The following RYR3 variants were observed in gnomAD, a reference collection of about 807,000 sequenced individuals.
The protein encoded by RYR3 is brain ryanodine receptor-calcium release channel.
A neutral mutation model predicts 584.3 loss-of-function variants in RYR3; 207 were observed. The ratio of observed to expected loss-of-function variants is 0.35; its 90% CI spans 0.32 to 0.40. The LOEUF (loss-of-function observed/expected upper bound fraction) is 0.40. Among genes scored for constraint, RYR3 ranks in the 10% least tolerant of loss-of-function variants. The pLI is 1.00. For missense variants in RYR3, 5,616 were observed against 6,089.2 expected, an observed-to-expected ratio of 0.92 and a Z score of 2.59; for synonymous variants, 2,416 against 2,248.5, an observed-to-expected ratio of 1.07 and a Z score of -2.11.
rs977122492 is a variant in RYR3 at position 33,484,732 on chromosome 15, G to T, written c.171+11194G>T. Among the ~76,000 whole-genome samples the T allele has an allele frequency of 2.6e-5, 4 of 152,136 alleles. No individual in the cohort carries two copies. The East Asian group carries it at 7.7e-4, about 29-fold the overall frequency. On this transcript the variant is annotated intron_variant, in intron 2 of 103. Transcript: ENST00000634891. ...CTGTAACTGGCTGACATATCATTGA[G>T]TGAAATAGGGCATATATTGGAGGAG...
intron 38 of RYR3, among the ~76,000 whole-genome samples, chr15:33,674,265 A>G (rs1287301018): frequency 1.3e-5 from 2 of 152,228 alleles, no homozygotes; most frequent in African/African-American, 4.8e-5. Flanking sequence ...GAGATAACTT[A>G]GTAGTAAGTA....
In RYR3 at chr15:33,644,278, G is replaced by A. The variant is rs371359568; in HGVS notation, c.3557-33G>A. 540 of 1,566,342 alleles carry A rather than the reference G, an allele frequency of 3.4e-4. 4 individuals carry two copies. Among genetic ancestry groups the A allele is most frequent in the South Asian group, 1.3e-3 (109 of 86,222 alleles). On this transcript the variant is annotated intron_variant, in intron 27 of 103. Coordinates refer to ENST00000634891, the MANE Select transcript of RYR3 (RefSeq NM_001036.6). ...CGGAGTTTCCTGGGATGGTGCCTTC[G>A]GGCTAAAGCAGGTCTCTCTAACTCT...
intron 1 of RYR3, among the ~76,000 whole-genome samples, chr15:33,437,379 T>C (rs571314801): frequency 6.6e-6 from 1 of 152,342 alleles, no homozygotes; most frequent in South Asian, 2.1e-4. Flanking sequence ...CAAGGTTTTA[T>C]ATTTGTGTTC....
chr15:33,462,106 G>C (rs1328095705), intron 1 of RYR3, among the ~76,000 whole-genome samples: 1 of 152,142 alleles, frequency 6.6e-6, no homozygotes, highest in Non-Finnish European at 1.5e-5. Flanking sequence ...CACTTATTTT[G>C]CCTGTAAGTG....
At chr15:33,392,760 G>T (rs995440890) in intron 1 of RYR3, among the ~76,000 whole-genome samples, 29 of 152,028 alleles carry the variant, frequency 1.9e-4, no homozygotes, top group African/African-American at 7.0e-4. Flanking sequence ...GTTATGAGTG[G>T]GTCATCCACA....
At chr15:33,742,261 C>T (rs1314815129) in intron 51 of RYR3, 105 bp from the exon 52 acceptor site, 3 of 755,530 alleles carry the variant, frequency 4.0e-6, no homozygotes, top group Non-Finnish European at 7.0e-6. Context: ...GCTGGCTGAT[C>T]AAATCCACCT....
At chr15:33,317,958 T>C (rs1968427672) in intron 1 of RYR3, among the ~76,000 whole-genome samples, 1 of 152,234 alleles carries the variant, frequency 6.6e-6, no homozygotes, top group African/African-American at 2.4e-5. Flanking sequence ...CTGTGCAGTC[T>C]TGTCAATACT....
In RYR3 at chr15:33,717,232, C is replaced by G. The variant is rs545139231; in HGVS notation, c.6620-5483C>G. 2.6e-5 allele frequency among the ~76,000 whole-genome samples: 4 copies of G among 152,266 alleles called. No homozygotes were observed. The South Asian group carries it at 8.3e-4, about 32-fold the overall frequency. On this transcript the variant is annotated intron_variant, in intron 43 of 103. Transcript: ENST00000634891. Reference sequence around the variant, plus strand: ...TGTACTTTGCCAGCTTTGTCCTCTTCCCTGAGCCCCAGACTTGTATATCTT... The same window carrying G: ...TGTACTTTGCCAGCTTTGTCCTCTTGCCTGAGCCCCAGACTTGTATATCTT...
At chr15:33,733,483 A>G (rs969277173) in intron 48 of RYR3, among the ~76,000 whole-genome samples, 1 of 152,230 alleles carries the variant, frequency 6.6e-6, no homozygotes, top group African/African-American at 2.4e-5. Flanking sequence ...TACTAAGTGC[A>G]AGAAGCTAAT....
chr15:33,655,967 T>G (rs997479805), intron 32 of RYR3, among the ~76,000 whole-genome samples: 2 of 152,206 alleles, frequency 1.3e-5, no homozygotes, highest in Admixed American at 6.5e-5. Context: ...TTTCTAGACC[T>G]CCCCATTAAA....
chr15:33,662,717 T>G lies in RYR3; in HGVS notation c.5187T>G (p.Ile1729Met). The G allele has an allele frequency of 6.2e-7, 1 of 1,614,140 alleles. No individual in the cohort carries two copies. Among genetic ancestry groups the G allele is most frequent in the Non-Finnish European group, 8.5e-7 (1 of 1,180,014 alleles). The change falls in exon 35 of 104, where the codon ATT (isoleucine) becomes ATG (methionine). Residue 1729 changes from isoleucine (I) to methionine (M), a missense_variant. By Grantham distance (10) the Ile-to-Met change is conservative (BLOSUM62 1). Coordinates refer to ENST00000634891, the MANE Select transcript of RYR3 (RefSeq NM_001036.6). ...AGTTTGTGCCTGTGCTGAAACTCAT[T>G]GGAACCCTGCTGGTCATGGGCGTGT... The part of the protein sequence containing the change: ...EFQFVPVLKL[I>M]GTLLVMGVFD...
chr15:33,679,535 A>G (rs754216579), intron 38 of RYR3, among the ~76,000 whole-genome samples: 6 of 152,202 alleles, frequency 3.9e-5, no homozygotes, highest in Non-Finnish European at 8.8e-5. Flanking sequence ...GTAAACTGAC[A>G]CAACCCTTTC....
intron 36 of RYR3, among the ~76,000 whole-genome samples, chr15:33,666,144 A>G (rs557566482): frequency 1.3e-3 from 202 of 152,260 alleles, no homozygotes; most frequent in African/African-American, 4.5e-3. Flanking sequence ...AGCTGGGACT[A>G]CAGGCATGCA....
intron 42 of RYR3, among the ~76,000 whole-genome samples, chr15:33,704,077 C>G (rs916721997): frequency 6.6e-6 from 1 of 152,102 alleles, no homozygotes; most frequent in African/African-American, 2.4e-5. Context: ...CAAGACCAGT[C>G]TGGCCAACAT....
At chr15:33,822,774 T>C (rs984651978) in intron 80 of RYR3, among the ~76,000 whole-genome samples, 2 of 152,258 alleles carry the variant, frequency 1.3e-5, no homozygotes, top group Non-Finnish European at 2.9e-5. Context: ...TGTTCCCAAA[T>C]AGAAGGGACT....
Position 33,699,784 on chromosome 15 carries a change from C to T in RYR3, c.6330C>T (p.Ala2110=). 1.2e-6 allele frequency: 2 copies of T among 1,613,866 alleles called. No individual in the cohort carries two copies. The highest frequency in any genetic ancestry group is 1.7e-6 in the Non-Finnish European group (2 of 1,179,852). The change falls in exon 41 of 104, where the codon GCC becomes GCT. Residue 2110 remains alanine, a synonymous_variant. Coordinates refer to ENST00000634891, the MANE Select transcript of RYR3 (RefSeq NM_001036.6). ...FCRISRQNQK[A]MFEHLSYLLE... is the part of the protein sequence containing the mutation. ...GAATTAGCCGGCAAAATCAGAAGGCCATGTTTGAGCATCTGAGTTATCTTC... is the reference window on the plus strand; with the variant it reads ...GAATTAGCCGGCAAAATCAGAAGGCTATGTTTGAGCATCTGAGTTATCTTC...
chr15:33,427,270 A>G (rs999479910), intron 1 of RYR3, among the ~76,000 whole-genome samples: 1 of 152,142 alleles, frequency 6.6e-6, no homozygotes, highest in Non-Finnish European at 1.5e-5. Context: ...TTTGGCCCCA[A>G]TTTCATTTTA....
At chr15:33,583,554 C>T (rs996485909) in intron 14 of RYR3, among the ~76,000 whole-genome samples, 11 of 152,124 alleles carry the variant, frequency 7.2e-5, no homozygotes, top group Admixed American at 3.3e-4. Context: ...ACAACTGGAC[C>T]GGTGTTTGGT....
intron 1 of RYR3, among the ~76,000 whole-genome samples, chr15:33,333,066 C>CAAAAAA (rs1195937254): frequency 9.5e-4 from 53 of 55,610 alleles, no homozygotes; most frequent in Non-Finnish European, 1.1e-3. Flanking sequence ...GCCTACCAAC[C>CAAAAAA]AAAAAAAAAA....
Sources: allele counts gnomAD v4.1 joint callset (sites outside exome capture counted in the v4.1 genomes callset), GRCh38; gene constraint gnomAD v4.1.1; transcripts MANE v1.5; gene names NCBI Gene and HGNC (gene_info 2026-07-23, HGNC 2026-07-21).